The following ZNF831 variants were observed in gnomAD, a reference collection of about 807,000 sequenced individuals.
ZNF831 encodes zinc finger protein 831.
A neutral mutation model predicts 95.8 loss-of-function variants in ZNF831; 59 were observed. The ratio of observed to expected loss-of-function variants is 0.62; its 90% confidence interval spans 0.50 to 0.77. The LOEUF (loss-of-function observed/expected upper bound fraction) is 0.77, where lower values mean the gene tolerates loss of function less well. Ranked by LOEUF, ZNF831 falls within the 30% of genes least tolerant of loss-of-function variation. ZNF831 has a pLI of 0.00. For synonymous variants in ZNF831, 961 were observed against 925.5 expected (o/e 1.04, Z -0.70); for missense variants, 2,205 against 2,164.0 (o/e 1.02, Z -0.38).
intron 2 of ZNF831, among the ~76,000 whole-genome samples, chr20:59,147,226 G>T (rs758283100): frequency 6.6e-6 from 1 of 152,228 alleles, no homozygotes; most frequent in Admixed American, 6.5e-5. Flanking sequence ...GAATCAGTTA[G>T]TAAAGATCTA....
intron 2 of ZNF831, among the ~76,000 whole-genome samples, chr20:59,152,471 G>A (rs1273612482): frequency 6.6e-6 from 1 of 152,160 alleles, no homozygotes; most frequent in African/African-American, 2.4e-5. Flanking sequence ...AGAGCCTGGG[G>A]GCCTTTGGTT....
At chr20:59,209,545 G>T (rs1450057559) in intron 4 of ZNF831, among the ~76,000 whole-genome samples, 1 of 152,192 alleles carries the variant, frequency 6.6e-6, no homozygotes, top group Non-Finnish European at 1.5e-5. Flanking sequence ...CACATGCTGG[G>T]CCCCCAGAAG....
chr20:59,138,525 CTGT>C (rs1765569171), intron 1 of ZNF831, among the ~76,000 whole-genome samples: 1 of 152,220 alleles, frequency 6.6e-6, no homozygotes, highest in African/African-American at 2.4e-5. Flanking sequence ...GTCATTGTTA[CTGT>C]TGTTCAACAA....
At chr20:59,242,243 A>G (rs77431670) in intron 4 of ZNF831, among the ~76,000 whole-genome samples, 1 of 152,202 alleles carries the variant, frequency 6.6e-6, no homozygotes, top group Non-Finnish European at 1.5e-5. Flanking sequence ...AAATGGATCA[A>G]TTTCTCCTTT....
intron 1 of ZNF831, among the ~76,000 whole-genome samples, chr20:59,128,901 A>G (rs959705283): frequency 6.6e-6 from 1 of 152,144 alleles, no homozygotes; most frequent in Admixed American, 6.5e-5. Flanking sequence ...AGCTGGTATT[A>G]TAGGCGCCCG....
rs757493952 is a variant in ZNF831, at chr20:59,191,810, A to G, written c.791A>G (p.Glu264Gly). 1 of 1,613,324 alleles carries G rather than the reference A, an allele frequency of 6.2e-7. No homozygotes were observed. The highest frequency in any genetic ancestry group is 1.7e-5 in the Admixed American group (1 of 60,022). ...LLAKNLDVRT[E>G]AAPCPGSAFA... is the part of the protein sequence containing the mutation. ...GCCAAGAACCTGGATGTGAGGACCG[A>G]AGCTGCTCCCTGTCCAGGGTCCGCA... The change falls in exon 2 of 6, where the codon GAA becomes GGA. Residue 264 changes from glutamate (E) to glycine (G), a missense_variant. Transcript: ENST00000371030.
At chr20:59,165,832 C>A (rs1372068830) in intron 1 of ZNF831, among the ~76,000 whole-genome samples, 1 of 152,132 alleles carries the variant, frequency 6.6e-6, no homozygotes, top group South Asian at 2.1e-4. Context: ...TCACTACAAC[C>A]TCTACCTTCT....
At chr20:59,149,842 G>A (rs895842766) in intron 2 of ZNF831, among the ~76,000 whole-genome samples, 6 of 152,232 alleles carry the variant, frequency 3.9e-5, no homozygotes, top group African/African-American at 1.2e-4. Context: ...CCAGCTGGCC[G>A]GTGTGCACAG....
At chr20:59,188,299 CCA>C (rs1431125614) in intron 1 of ZNF831, among the ~76,000 whole-genome samples, 1 of 152,192 alleles carries the variant, frequency 6.6e-6, no homozygotes, top group Admixed American at 6.5e-5. Flanking sequence ...CACATCCTCA[CCA>C]ACACTTGTTA....
At chr20:59,222,705 C>T (rs1158447109) in intron 4 of ZNF831, among the ~76,000 whole-genome samples, 2 of 152,204 alleles carry the variant, frequency 1.3e-5, no homozygotes, top group Admixed American at 6.5e-5. Flanking sequence ...ATCGCGGGCA[C>T]CGCCGAAGCC....
chr20:59,240,028 G>A lies in ZNF831; in HGVS notation c.4028-12950G>A, dbSNP rs112964800. Among the ~76,000 whole-genome samples, 921 of 152,270 alleles carry A rather than the reference G, an allele frequency of 6.0e-3. 4 individuals are homozygous for A. The highest frequency in any genetic ancestry group is 0.037 in the Middle Eastern group (11 of 294). Reference sequence around the variant, plus strand: ...AGACCACCCCCAGGGGAGGATTCAGGGAAGTGGAAGCGTGGAAGACTCTAA... The same window carrying A: ...AGACCACCCCCAGGGGAGGATTCAGAGAAGTGGAAGCGTGGAAGACTCTAA... On this transcript the variant is annotated intron_variant, in intron 4 of 5. Coordinates refer to ENST00000371030, the MANE Select transcript of ZNF831 (RefSeq NM_178457.3).
chr20:59,190,257 C>A (rs1332264248), intron 1 of ZNF831, among the ~76,000 whole-genome samples: 1 of 152,196 alleles, frequency 6.6e-6, no homozygotes, highest in Non-Finnish European at 1.5e-5. Flanking sequence ...TTCAGATAAG[C>A]AGCGCTCAGT....
intron 1 of ZNF831, among the ~76,000 whole-genome samples, chr20:59,179,243 A>G (rs931382407): frequency 5.9e-5 from 9 of 152,184 alleles, no homozygotes; most frequent in African/African-American, 1.9e-4. Flanking sequence ...GAGTCCATCA[A>G]TGGGAAGTTG....
chr20:59,204,879 G>C (rs1200567242), intron 3 of ZNF831, among the ~76,000 whole-genome samples: 1 of 152,182 alleles, frequency 6.6e-6, no homozygotes, highest in Non-Finnish European at 1.5e-5. Flanking sequence ...GCTGCACACA[G>C]AACGTTTTGG....
upstream of ZNF831, chr20:59,160,851 G>A (rs1217691832): frequency 1.3e-5 from 2 of 150,368 alleles, no homozygotes; most frequent in Non-Finnish European, 2.9e-5. Context: ...TGAAAGAATA[G>A]TCAATGCAGA....
Position 59,192,114 on chromosome 20 carries a change from C to T in ZNF831, c.1095C>T (p.Ser365=), listed in dbSNP as rs1457639390. 2 of 1,580,860 alleles carry T rather than the reference C, an allele frequency of 1.3e-6. No homozygotes were observed. The change falls in exon 2 of 6, where the codon AGC becomes AGT. Residue 365 remains serine (S), a synonymous_variant. Coordinates refer to ENST00000371030, the MANE Select transcript of ZNF831 (RefSeq NM_178457.3). The surrounding 1 kb of genome is among the most constrained non-coding windows in gnomAD (Gnocchi z 5.2). ...QPHAPCSPLH[S]LSEHSAESEG... is the part of the protein sequence containing the mutation. ...ATGCGCCCTGCAGCCCCCTGCACAG[C>T]CTTTCGGAGCACAGCGCCGAGTCCG... is the stretch of plus-strand genomic sequence containing the variant.
chr20:59,148,296 G>T lies in ZNF831; in HGVS notation c.-1281+1922G>T, dbSNP rs1304286396. Among the ~76,000 whole-genome samples the T allele has an allele frequency of 3.9e-5, 6 of 152,236 alleles. No individual in the cohort carries two copies. The East Asian group carries it at 1.2e-3, about 29-fold the overall frequency. ...TCTGTTGAGGGGGGATATCCAAGGG[G>T]TGCACATGAGCTCTGAGGACCAGTG... is the stretch of plus-strand genomic sequence containing the variant. On this transcript the variant is annotated intron_variant, in intron 2 of 7. Transcript: ENST00000637017.
intron 1 of ZNF831, among the ~76,000 whole-genome samples, chr20:59,167,119 C>T (rs1166899571): frequency 6.6e-6 from 1 of 152,210 alleles, no homozygotes; most frequent in African/African-American, 2.4e-5. Context: ...TTTATTCTAG[C>T]CATTCTGACA....
chr20:59,128,804 C>A (rs1306384578), intron 1 of ZNF831, among the ~76,000 whole-genome samples: 1 of 152,220 alleles, frequency 6.6e-6, no homozygotes, highest in East Asian at 1.9e-4. Flanking sequence ...CTCTGTCCCC[C>A]AGGCTGGAGT....
Sources: gnomAD v4.1 joint callset for allele counts (sites outside exome capture counted in the v4.1 genomes callset) on GRCh38, gnomAD v4.1.1 for gene constraint, Gnocchi (gnomAD v3.1) non-coding constraint, MANE v1.5 for transcripts, NCBI Gene and HGNC (gene_info 2026-07-23, HGNC 2026-07-21) for gene names.